Variants in RNF24 observed in about 807,000 individuals in gnomAD.
RNF24 encodes ring finger protein 24.
In RNF24, 14 loss-of-function variants were observed where a neutral mutation model predicts 20.0. That is an observed-to-expected ratio of 0.70 (90% CI 0.46 to 1.10). RNF24 has a LOEUF of 1.10. RNF24 is among the 50% of genes least tolerant of loss of function. RNF24 has a pLI of 0.00. For missense variants in RNF24, 124 were observed against 177.6 expected, an observed-to-expected ratio of 0.70 and a Z score of 1.71; for synonymous variants, 45 against 61.1, an observed-to-expected ratio of 0.74 and a Z score of 1.23.
intron 1 of RNF24, among the ~76,000 whole-genome samples, chr20:3,966,379 A>T (rs6116130): frequency 0.13 from 20,266 of 151,846 alleles, 1,526 homozygotes; most frequent in Non-Finnish European, 0.17. Context: ...GGATAATCTA[A>T]CAACTTTAAG....
At chr20:3,993,374 AC>A in intron 1 of RNF24, among the ~76,000 whole-genome samples, 1 of 151,440 alleles carries the variant, frequency 6.6e-6, no homozygotes, top group East Asian at 1.9e-4. Flanking sequence ...TGCAACCTCC[AC>A]CTCCCACATT....
intron 1 of RNF24, among the ~76,000 whole-genome samples, chr20:3,984,138 G>A (rs1979675459): frequency 6.6e-6 from 1 of 151,694 alleles, no homozygotes; most frequent in African/African-American, 2.4e-5. Context: ...GCTGAGGTGG[G>A]AAGACTGCTT....
chr20:3,998,751 G>A (rs1408351177), intron 1 of RNF24, among the ~76,000 whole-genome samples: 5 of 137,454 alleles, frequency 3.6e-5, no homozygotes, highest in African/African-American at 1.1e-4. Flanking sequence ...GCGAGATTCC[G>A]TCTCAAAAAA....
intron 1 of RNF24, among the ~76,000 whole-genome samples, chr20:3,998,251 C>T (rs756933409): frequency 1.3e-5 from 2 of 151,422 alleles, no homozygotes; most frequent in Non-Finnish European, 2.9e-5. Context: ...GCAACCTGAC[C>T]AACAAGGTGA....
At chr20:3,946,737 A>G (rs2091023193) in intron 3 of RNF24, among the ~76,000 whole-genome samples, 1 of 151,896 alleles carries the variant, frequency 6.6e-6, no homozygotes, top group South Asian at 2.1e-4. Context: ...TGAGACAAAA[A>G]GATTCATTCA....
At chr20:3,950,489 G>A (rs541094231) in intron 2 of RNF24, among the ~76,000 whole-genome samples, 1 of 152,308 alleles carries the variant, frequency 6.6e-6, no homozygotes, top group South Asian at 2.1e-4. Flanking sequence ...AGGAAGCATG[G>A]CTCTGCCAGC....
rs576322173 is a variant in RNF24 at position 3,958,563 on chromosome 20, T to A, written c.143+5312A>T. The stretch of plus-strand genomic sequence containing the variant: ...AATGTGAACTTTTCAATTGTTATCC[T>A]CTTTGTTGGCAGCTGACATAATTGA... On this transcript the variant is annotated intron_variant, in intron 2 of 5. Transcript: ENST00000358395. 1.2e-4 allele frequency among the ~76,000 whole-genome samples: 18 copies of A among 152,344 alleles called. No individual in the cohort carries two copies. In the South Asian group the frequency reaches 3.5e-3, roughly 30 times the overall value.
At chr20:3,964,676 C>T (rs1209061202) in intron 1 of RNF24, among the ~76,000 whole-genome samples, 1 of 152,146 alleles carries the variant, frequency 6.6e-6, no homozygotes, top group Non-Finnish European at 1.5e-5. Flanking sequence ...GCGCGTGCCA[C>T]CACACCTAGC....
chr20:3,982,414 A>G (rs1391163171), intron 1 of RNF24, among the ~76,000 whole-genome samples: 6 of 150,632 alleles, frequency 4.0e-5, no homozygotes, highest in African/African-American at 1.2e-4. Flanking sequence ...TGTCTCTACT[A>G]AAGATACAAA....
At chr20:3,948,116 T>G in intron 3 of RNF24, 121 bp downstream of exon 3, 54 of 684,064 alleles carry the variant, frequency 7.9e-5, no homozygotes, top group Non-Finnish European at 1.0e-4. Flanking sequence ...AAATTGGCAG[T>G]GAGATGCTAA....
intron 1 of RNF24, among the ~76,000 whole-genome samples, chr20:3,975,709 T>G (rs893571896): frequency 3.3e-5 from 5 of 152,156 alleles, no homozygotes; most frequent in African/African-American, 1.2e-4. Context: ...TAATCCAATA[T>G]GACTGGTGTC....
rs11470036 is a variant in RNF24 at position 3,933,063 on chromosome 20, C to CTTTTT, written c.*995_*999dup. On this transcript the variant is annotated 3_prime_UTR_variant, in exon 6 of 6. Coordinates refer to ENST00000358395, the MANE Select transcript of RNF24 (RefSeq NM_001134337.3). ...AAAGTGTTAAAAAGTGAATGACAGG[C>CTTTTT]TTTTTTTTTTTTTTTTTTTTTTTTC... The CTTTTT allele has an allele frequency of 2.0e-5, 6 of 307,080 alleles. No homozygotes were observed. Among genetic ancestry groups the CTTTTT allele is most frequent in the East Asian group, 9.0e-5 (2 of 22,326 alleles). 19.0% of individuals were successfully genotyped at this position (307,080 alleles called of 1,614,324 possible).
rs189612824 is a variant in RNF24, at chr20:3,953,296, C to T, written c.144-5017G>A. On this transcript the variant is annotated intron_variant, in intron 2 of 5. Transcript: ENST00000358395. ...CCTCCCGAGTAGCTGGGACTACAGA[C>T]ACCCGCCACCACGCCCGGCTAATTT... is the stretch of plus-strand genomic sequence containing the variant. Among the ~76,000 whole-genome samples, 283 of 151,952 alleles carry T rather than the reference C, an allele frequency of 1.9e-3. 2 individuals carry two copies. Among genetic ancestry groups the T allele is most frequent in the African/African-American group, 6.5e-3 (271 of 41,414 alleles).
chr20:3,966,507 T>TGTGTGTGTGTGTGTGTGTGTGTGTG (rs60638000), intron 1 of RNF24, among the ~76,000 whole-genome samples: 149 of 145,362 alleles, frequency 1.0e-3, no homozygotes, highest in Non-Finnish European at 1.7e-3. Context: ...TGTGTGTGTG[T>TGTGTGTGTGTGTGTGTGTGTGTGTG]TTGGGGAAAG....
rs1978971562 is a variant in RNF24, at chr20:3,977,558, T to C, written c.-7-13534A>G. On this transcript the variant is annotated intron_variant, in intron 1 of 5. Coordinates refer to ENST00000358395, the MANE Select transcript of RNF24 (RefSeq NM_001134337.3). ...AATAAATCATGAGAAAAATAAATGG[T>C]TTAAATCCTATTTAAAAAGGCTCTA... 1.3e-5 allele frequency among the ~76,000 whole-genome samples: 2 copies of C among 151,532 alleles called. 1 individual carries two copies. Among genetic ancestry groups the C allele is most frequent in the Admixed American group, 1.3e-4 (2 of 15,218 alleles).
chr20:3,967,992 A>AG (rs2091276961), intron 1 of RNF24, among the ~76,000 whole-genome samples: 2 of 145,318 alleles, frequency 1.4e-5, no homozygotes, highest in East Asian at 2.0e-4. Context: ...AAAAAAAAAA[A>AG]AAAGAAAGAA....
chr20:3,981,084 TC>T (rs1979341926), intron 1 of RNF24, among the ~76,000 whole-genome samples: 1 of 152,008 alleles, frequency 6.6e-6, no homozygotes, highest in Non-Finnish European at 1.5e-5. Flanking sequence ...CCTTATCACT[TC>T]CTAATTCTGG....
At chr20:4,006,612 C>A (rs1229282794) in intron 1 of RNF24, among the ~76,000 whole-genome samples, 1 of 152,212 alleles carries the variant, frequency 6.6e-6, no homozygotes, top group Non-Finnish European at 1.5e-5. Flanking sequence ...AGTAGTGAAT[C>A]CATAAAAATT....
At chr20:3,939,427 T>C (rs753000267) in intron 4 of RNF24, among the ~76,000 whole-genome samples, 4 of 152,216 alleles carry the variant, frequency 2.6e-5, no homozygotes, top group Non-Finnish European at 5.9e-5. Flanking sequence ...TATCCAGTTG[T>C]CCCAGCACCA....
Sources: allele counts gnomAD v4.1 joint callset (sites outside exome capture counted in the v4.1 genomes callset), GRCh38; gene constraint gnomAD v4.1.1; transcripts MANE v1.5; gene names NCBI Gene and HGNC (gene_info 2026-07-23, HGNC 2026-07-21).